DCLK1: variants seen among roughly 807,000 people sequenced by gnomAD.
DCLK1 encodes the protein doublecortin like kinase 1, also known as serine/threonine-protein kinase DCLK1.
Under a neutral mutation model 86.2 loss-of-function variants are expected in DCLK1, and 16 were observed. The ratio of observed to expected loss-of-function variants is 0.19; its 90% confidence interval spans 0.13 to 0.28. The LOEUF is 0.28. Ranked by LOEUF, DCLK1 falls within the 10% of genes least tolerant of loss-of-function variation. The pLI, the probability that DCLK1 is intolerant of heterozygous loss-of-function variation, is 1.00. For synonymous variants in DCLK1, 369 were observed against 370.5 expected, an observed-to-expected ratio of 1.00 and a Z score of 0.05; for missense variants, 590 against 940.2, an observed-to-expected ratio of 0.63 and a Z score of 4.87.
rs541952281 is a variant in DCLK1 at position 35,972,642 on chromosome 13, G to T, written c.724-25185C>A. ...TGTTAGAGAGGTAGCAAGGAGATGG[G>T]GTGGGGGGCAGCACTGAGACAGAGT... On this transcript the variant is annotated intron_variant, in intron 3 of 16. Coordinates refer to ENST00000360631, the MANE Select transcript of DCLK1 (RefSeq NM_001330071.2). 3.9e-5 allele frequency among the ~76,000 whole-genome samples: 6 copies of T among 152,218 alleles called. No individual in the cohort carries two copies. The East Asian group carries it at 1.2e-3, about 29-fold the overall frequency.
intron 3 of DCLK1, among the ~76,000 whole-genome samples, chr13:36,013,172 A>G (rs1881359773): frequency 6.7e-6 from 1 of 148,700 alleles, no homozygotes; most frequent in African/African-American, 2.5e-5. Context: ...CTTTGGTTTG[A>G]ATGTCCTCCC....
At chr13:35,802,096 C>T (rs2086931842) in intron 15 of DCLK1, among the ~76,000 whole-genome samples, 2 of 152,102 alleles carry the variant, frequency 1.3e-5, no homozygotes, top group South Asian at 4.1e-4. Flanking sequence ...TTGTATCAGA[C>T]TTTGTTCCTA....
chr13:35,794,131 G>C (rs1593594994), intron 15 of DCLK1, among the ~76,000 whole-genome samples: 1 of 152,178 alleles, frequency 6.6e-6, no homozygotes, highest in Non-Finnish European at 1.5e-5. Context: ...GACTGAGGCT[G>C]GACACATGGT....
At chr13:35,818,715 T>C (rs2087325331) in intron 11 of DCLK1, among the ~76,000 whole-genome samples, 1 of 152,092 alleles carries the variant, frequency 6.6e-6, no homozygotes, top group South Asian at 2.1e-4. Context: ...AAACACAAGC[T>C]GCTACTGATG....
intron 4 of DCLK1, among the ~76,000 whole-genome samples, chr13:35,914,097 C>T (rs563537671): frequency 5.3e-4 from 80 of 151,906 alleles, no homozygotes; most frequent in Non-Finnish European, 7.7e-4. Context: ...ACAGGAGGAT[C>T]TCTTGAGCCC....
chr13:35,856,574 G>A (rs1362096138), intron 5 of DCLK1, among the ~76,000 whole-genome samples: 1 of 152,136 alleles, frequency 6.6e-6, no homozygotes, highest in Non-Finnish European at 1.5e-5. Flanking sequence ...TCCAGCTAAT[G>A]GAAAATGAAG....
intron 5 of DCLK1, among the ~76,000 whole-genome samples, chr13:35,860,945 G>A (rs1402380875): frequency 2.6e-5 from 4 of 152,148 alleles, no homozygotes. Context: ...AAAGGGATGA[G>A]GTGGAAAAGC....
chr13:35,808,761 C>A (rs1303317926), intron 13 of DCLK1, among the ~76,000 whole-genome samples: 4 of 141,972 alleles, frequency 2.8e-5, no homozygotes, highest in South Asian at 2.2e-4. Flanking sequence ...CCAGACTGAG[C>A]AAAAGAGAGA....
intron 5 of DCLK1, among the ~76,000 whole-genome samples, chr13:35,867,483 A>G (rs1049716811): frequency 6.6e-6 from 1 of 152,160 alleles, no homozygotes; most frequent in Admixed American, 6.5e-5. Flanking sequence ...CCAGGTTTCA[A>G]CTAGAGTTGA....
At chr13:35,784,301 T>G (rs928248003) in intron 16 of DCLK1, among the ~76,000 whole-genome samples, 1 of 152,228 alleles carries the variant, frequency 6.6e-6, no homozygotes, top group African/African-American at 2.4e-5. Flanking sequence ...CATTTTCTCA[T>G]TTTTAGTAAT....
Position 35,809,014 on chromosome 13 carries a change from A to G in DCLK1, c.1766+4T>C, listed in dbSNP as rs1028811623. 1.2e-5 allele frequency: 20 copies of G among 1,610,930 alleles called. No homozygotes were observed. Among genetic ancestry groups the G allele is most frequent in the Non-Finnish European group, 1.7e-5 (20 of 1,177,966 alleles). On this transcript the variant is annotated splice_donor_region_variant and intron_variant, in intron 13 of 16. Coordinates refer to ENST00000360631, the MANE Select transcript of DCLK1 (RefSeq NM_001330071.2). ...GGCGCTGAATAAAAGATTGTTGCCC[A>G]TACCCACGGAATGGAGGGAAACCAC...
chr13:36,021,887 A>G (rs573398498), intron 3 of DCLK1, among the ~76,000 whole-genome samples: 2 of 152,096 alleles, frequency 1.3e-5, no homozygotes, highest in Non-Finnish European at 2.9e-5. Context: ...GAACAACACT[A>G]TAAAACAATA....
chr13:35,862,537 C>T (rs17181502), intron 5 of DCLK1, among the ~76,000 whole-genome samples: 4,936 of 152,220 alleles, frequency 0.032, 140 homozygotes, highest in Middle Eastern at 0.068. Flanking sequence ...AACTCAACTG[C>T]GATCTTTCAT....
intron 3 of DCLK1, among the ~76,000 whole-genome samples, chr13:36,086,170 C>T (rs746657471): frequency 3.3e-5 from 5 of 152,150 alleles, no homozygotes; most frequent in Non-Finnish European, 7.3e-5. Context: ...ACTGTTTACC[C>T]ATCTGACATC....
At chr13:35,965,003 T>C (rs1376361811) in intron 3 of DCLK1, among the ~76,000 whole-genome samples, 7 of 152,166 alleles carry the variant, frequency 4.6e-5, no homozygotes, top group Non-Finnish European at 1.0e-4. Context: ...TCTCTGACCC[T>C]TTTCAGAAAA....
chr13:35,967,139 G>A (rs938330536), intron 3 of DCLK1, among the ~76,000 whole-genome samples: 4 of 151,016 alleles, frequency 2.6e-5, no homozygotes, highest in African/African-American at 9.8e-5. Flanking sequence ...TGTGAAGAGC[G>A]CCTCTGCCCG....
At chr13:35,921,178 A>G (rs1029660348) in intron 4 of DCLK1, among the ~76,000 whole-genome samples, 3 of 152,100 alleles carry the variant, frequency 2.0e-5, no homozygotes, top group Admixed American at 2.0e-4. Context: ...GATATCCCAA[A>G]TCCGTAAAAT....
chr13:35,776,042 A>G (rs1240285941), intron 16 of DCLK1, among the ~76,000 whole-genome samples: 3 of 152,216 alleles, frequency 2.0e-5, no homozygotes, highest in Non-Finnish European at 4.4e-5. Flanking sequence ...TGAGGAAGAT[A>G]AACTTCAATA....
intron 2 of DCLK1, among the ~76,000 whole-genome samples, chr13:36,112,575 C>T (rs552599789): frequency 1.3e-5 from 2 of 152,236 alleles, no homozygotes; most frequent in South Asian, 4.1e-4. Flanking sequence ...CAGAAAATTT[C>T]AAAATTGGAA....
Sources: allele counts gnomAD v4.1 joint callset (sites outside exome capture counted in the v4.1 genomes callset), GRCh38; gene constraint gnomAD v4.1.1; transcripts MANE v1.5; gene names NCBI Gene and HGNC (gene_info 2026-07-23, HGNC 2026-07-21).